The following SPAG16 variants were observed in gnomAD, a reference collection of about 807,000 sequenced individuals.
SPAG16 encodes the protein sperm-associated antigen 16 protein.
In SPAG16, 86 loss-of-function variants were observed where a neutral mutation model predicts 80.4. The ratio of observed to expected loss-of-function variants is 1.07; its 90% CI spans 0.90 to 1.28. SPAG16 has a LOEUF of 1.28. Among genes scored for constraint, SPAG16 ranks in the 50% most tolerant of loss-of-function variants. The probability of loss-of-function intolerance (pLI) is 0.00; values close to 1 mark genes in which losing one functional copy is unlikely to be tolerated. For missense variants in SPAG16, 870 were observed against 765.3 expected (o/e 1.14, Z -1.61); for synonymous variants, 294 against 265.9 (o/e 1.11, Z -1.03).
At chr2:214,107,341 C>T (rs1285834808) in intron 13 of SPAG16, among the ~76,000 whole-genome samples, 1 of 152,052 alleles carries the variant, frequency 6.6e-6, no homozygotes, top group Non-Finnish European at 1.5e-5. Flanking sequence ...AAATATTTGT[C>T]GAATGAACAA....
At chr2:213,532,272 C>T (rs1194149856) in intron 10 of SPAG16, among the ~76,000 whole-genome samples, 1 of 152,114 alleles carries the variant, frequency 6.6e-6, no homozygotes, top group Non-Finnish European at 1.5e-5. Context: ...TTTGACAAAA[C>T]AATCTTTAGA....
chr2:213,731,153 G>T (rs1169539494), intron 10 of SPAG16, among the ~76,000 whole-genome samples: 16 of 107,080 alleles, frequency 1.5e-4, no homozygotes, highest in East Asian at 2.7e-4. Context: ...TTATATCTGA[G>T]TTTTTTTTTT....
At chr2:214,076,618 T>C (rs367671922) in intron 13 of SPAG16, among the ~76,000 whole-genome samples, 9 of 151,916 alleles carry the variant, frequency 5.9e-5, no homozygotes, top group African/African-American at 2.2e-4. Context: ...CCTTAGATTC[T>C]GGCAAACAGA....
At chr2:214,351,714 AC>A (rs751280555) in intron 15 of SPAG16, among the ~76,000 whole-genome samples, 17 of 93,334 alleles carry the variant, frequency 1.8e-4, no homozygotes, top group Non-Finnish European at 4.3e-4. Context: ...AAACAAACAA[AC>A]AAACAAAAAA....
Position 213,589,205 on chromosome 2 carries a change from A to G in SPAG16, c.1070+99115A>G, listed in dbSNP as rs113360906. 1.6e-3 allele frequency among the ~76,000 whole-genome samples: 240 copies of G among 152,326 alleles called. 3 individuals are homozygous for G. The highest frequency in any genetic ancestry group is 4.7e-3 in the African/African-American group (195 of 41,584). ...TCCTCAGTTGTGTTGGGCTAATGTA[A>G]ATTGCCCAAACTTCTTCTAAATGGC... is the stretch of plus-strand genomic sequence containing the variant. On this transcript the variant is annotated intron_variant, in intron 10 of 15. Transcript: ENST00000331683.
intron 13 of SPAG16, among the ~76,000 whole-genome samples, chr2:214,027,854 A>T (rs372363330): frequency 4.6e-5 from 7 of 151,924 alleles, no homozygotes; most frequent in African/African-American, 1.7e-4. Context: ...ATTTGTTTTG[A>T]CATTCAAACT....
At chr2:213,750,268 C>G (rs1314306779) in intron 10 of SPAG16, among the ~76,000 whole-genome samples, 2 of 152,138 alleles carry the variant, frequency 1.3e-5, no homozygotes, top group Non-Finnish European at 2.9e-5. Flanking sequence ...GTAATGCCAG[C>G]TGCCTGCATT....
chr2:213,295,337 T>C (rs1021310), intron 1 of SPAG16, among the ~76,000 whole-genome samples: 15,168 of 152,098 alleles, frequency 0.1, 2,511 homozygotes, highest in African/African-American at 0.34. Context: ...GAGTAACTTA[T>C]AGTTTTTGAA....
intron 10 of SPAG16, among the ~76,000 whole-genome samples, chr2:213,834,580 T>G (rs2125733989): frequency 6.6e-6 from 1 of 152,210 alleles, no homozygotes; most frequent in Non-Finnish European, 1.5e-5. Context: ...GAGAGTGACC[T>G]TTCTAGGTTT....
intron 10 of SPAG16, among the ~76,000 whole-genome samples, chr2:213,507,364 T>C (rs905699974): frequency 2.0e-5 from 3 of 152,234 alleles, no homozygotes; most frequent in African/African-American, 7.2e-5. Context: ...ACCACTGATA[T>C]CAGGCATTCA....
chr2:214,071,767 A>G (rs1166546742), intron 13 of SPAG16, among the ~76,000 whole-genome samples: 2 of 152,038 alleles, frequency 1.3e-5, no homozygotes, highest in Non-Finnish European at 2.9e-5. Context: ...CCCATTTGTT[A>G]TATATATTTC....
intron 10 of SPAG16, among the ~76,000 whole-genome samples, chr2:213,634,581 C>T (rs1296276561): frequency 1.3e-5 from 2 of 152,134 alleles, no homozygotes; most frequent in South Asian, 2.1e-4. Flanking sequence ...TGAAGCACTC[C>T]CTTTAGCATT....
chr2:214,253,341 C>T (rs1175750612), intron 15 of SPAG16, among the ~76,000 whole-genome samples: 2 of 152,048 alleles, frequency 1.3e-5, no homozygotes, highest in Non-Finnish European at 2.9e-5. Flanking sequence ...GCTTTTGTTG[C>T]CATTGCTTTT....
intron 15 of SPAG16, among the ~76,000 whole-genome samples, chr2:214,235,232 T>G (rs1688992424): frequency 6.6e-6 from 1 of 152,110 alleles, no homozygotes; most frequent in Admixed American, 6.6e-5. Context: ...AAAAGCAAAT[T>G]TATACACCTG....
At chr2:213,323,735 T>C (rs997730361) in intron 5 of SPAG16, among the ~76,000 whole-genome samples, 4 of 152,184 alleles carry the variant, frequency 2.6e-5, no homozygotes, top group Admixed American at 2.6e-4. Context: ...TAAATGTTCA[T>C]TGACAGATGA....
chr2:213,322,533 A>G (rs929593589), intron 5 of SPAG16, among the ~76,000 whole-genome samples: 2 of 151,884 alleles, frequency 1.3e-5, no homozygotes, highest in African/African-American at 4.8e-5. Flanking sequence ...TTTTATTCCT[A>G]TCTTCCCTTA....
At chr2:213,309,959 A>T in intron 3 of SPAG16, 100 bp from the exon 4 acceptor site, 1 of 724,620 alleles carries the variant, frequency 1.4e-6, no homozygotes, top group Non-Finnish European at 2.2e-6. Flanking sequence ...ACATTGTTGA[A>T]AAAAAATGAA....
chr2:213,285,302 G>GA (rs1327807339), intron 1 of SPAG16, among the ~76,000 whole-genome samples: 2 of 152,154 alleles, frequency 1.3e-5, no homozygotes, highest in African/African-American at 4.8e-5. Context: ...GGAAGTACCA[G>GA]AAAAATTGAA....
chr2:213,371,648 G>T (rs776996248), intron 8 of SPAG16, among the ~76,000 whole-genome samples: 9 of 151,986 alleles, frequency 5.9e-5, no homozygotes, highest in Non-Finnish European at 8.8e-5. Context: ...TATTTACTTT[G>T]AAGTTAGAAA....
Sources: allele counts gnomAD v4.1 joint callset (sites outside exome capture counted in the v4.1 genomes callset), GRCh38; gene constraint gnomAD v4.1.1; transcripts MANE v1.5; gene names NCBI Gene and HGNC (gene_info 2026-07-23, HGNC 2026-07-21).